The following CERS6 variants were observed in gnomAD, a reference collection of about 807,000 sequenced individuals.
CERS6 encodes the protein ceramide synthase 6.
CERS6 carries 26 observed loss-of-function variants against 56.8 expected under a neutral mutation model. That is an observed-to-expected ratio of 0.46 (90% confidence interval 0.34 to 0.63). CERS6 has a LOEUF of 0.63. CERS6 is among the 30% of genes least tolerant of loss of function. The pLI, the probability that CERS6 is intolerant of heterozygous loss-of-function variation, is 0.01. For missense variants in CERS6, 415 were observed against 467.5 expected (o/e 0.89, Z 1.04); for synonymous variants, 164 against 173.3 (o/e 0.95, Z 0.42).
At chr2:168,646,848 TG>T (rs1229316022) in intron 4 of CERS6, among the ~76,000 whole-genome samples, 1 of 152,150 alleles carries the variant, frequency 6.6e-6, no homozygotes, top group Non-Finnish European at 1.5e-5. Flanking sequence ...CGTAGGTGTG[TG>T]GCCTTATTTC....
intron 1 of CERS6, among the ~76,000 whole-genome samples, chr2:168,485,776 G>A (rs1000214179): frequency 6.6e-6 from 1 of 152,098 alleles, no homozygotes; most frequent in African/African-American, 2.4e-5. Flanking sequence ...TCCAAGTTTT[G>A]GCAATTATGA....
intron 8 of CERS6, among the ~76,000 whole-genome samples, chr2:168,754,081 G>A (rs1270511469): frequency 1.3e-5 from 2 of 152,152 alleles, no homozygotes; most frequent in Non-Finnish European, 2.9e-5. Flanking sequence ...AGTCAGGGCG[G>A]TGAGAAGCCA....
intron 1 of CERS6, among the ~76,000 whole-genome samples, chr2:168,500,626 AGAGCAAAG>A (rs1694562737): frequency 6.6e-6 from 1 of 152,210 alleles, no homozygotes; most frequent in South Asian, 2.1e-4. Context: ...TAATGCCATA[AGAGCAAAG>A]GAAGAAAGGG....
intron 3 of CERS6, among the ~76,000 whole-genome samples, chr2:168,591,583 A>G (rs2077764): frequency 1.3e-5 from 2 of 152,218 alleles, no homozygotes; most frequent in African/African-American, 4.8e-5. Context: ...AAAACCTTCA[A>G]TGAAGAAAAT....
At chr2:168,487,698 A>G (rs1350479030) in intron 1 of CERS6, among the ~76,000 whole-genome samples, 1 of 152,104 alleles carries the variant, frequency 6.6e-6, no homozygotes, top group East Asian at 1.9e-4. Flanking sequence ...TCTAAACCAC[A>G]TAAGCTATTA....
intron 3 of CERS6, among the ~76,000 whole-genome samples, chr2:168,619,101 A>G (rs1020184894): frequency 2.0e-5 from 3 of 152,230 alleles, no homozygotes; most frequent in African/African-American, 7.2e-5. Flanking sequence ...AAACAAAAAC[A>G]TAAAGTGGGG....
At position 168,733,487 on chromosome 2, in the gene CERS6, C is replaced by T. The variant is rs372274103; in HGVS notation, c.845+15509C>T. On this transcript the variant is annotated intron_variant, in intron 8 of 9. Coordinates refer to ENST00000305747, the MANE Select transcript of CERS6 (RefSeq NM_203463.3). ...CCCAGTATGCAATGACAACTTGCTG[C>T]TCCTTATTGCTTCTACATCTGAAAA... 1.8e-4 allele frequency among the ~76,000 whole-genome samples: 28 copies of T among 152,292 alleles called. No individual in the cohort carries two copies. The South Asian group carries it at 5.8e-3, about 32-fold the overall frequency.
intron 8 of CERS6, among the ~76,000 whole-genome samples, chr2:168,720,529 A>C (rs1426326506): frequency 6.6e-6 from 1 of 152,140 alleles, no homozygotes; most frequent in Non-Finnish European, 1.5e-5. Context: ...TCAGGATAGT[A>C]TACTGGTTAG....
At chr2:168,579,875 G>A (rs944055414) in intron 3 of CERS6, among the ~76,000 whole-genome samples, 8 of 152,052 alleles carry the variant, frequency 5.3e-5, no homozygotes, top group African/African-American at 1.2e-4. Flanking sequence ...TGGCCTTTGC[G>A]CTTGCTTTCC....
intron 9 of CERS6, chr2:168,766,233 A>C (rs2105466943): frequency 8.0e-7 from 1 of 1,257,386 alleles, no homozygotes; most frequent in Non-Finnish European, 1.1e-6. Context: ...CCTCAGCCCC[A>C]ACCCTGTGTG....
chr2:168,598,502 T>C (rs1009819415), intron 3 of CERS6, among the ~76,000 whole-genome samples: 3 of 151,744 alleles, frequency 2.0e-5, no homozygotes, highest in Admixed American at 2.0e-4. Flanking sequence ...GGCAAAAAAA[T>C]AGTGGTTTAC....
rs541375750 is a variant in CERS6 at position 168,540,473 on chromosome 2, G to A, written c.171-7123G>A. On this transcript the variant is annotated intron_variant, in intron 1 of 9. Coordinates refer to ENST00000305747, the MANE Select transcript of CERS6 (RefSeq NM_203463.3). Reference sequence around the variant, plus strand: ...ACACAAGTACCATTCTGTTTTAATTGCCTATTCACTACAATAATGGTAATG... The same window carrying A: ...ACACAAGTACCATTCTGTTTTAATTACCTATTCACTACAATAATGGTAATG... Among the ~76,000 whole-genome samples, 3 of 152,212 alleles carry A rather than the reference G, an allele frequency of 2.0e-5. No homozygotes were observed. The East Asian group carries it at 5.8e-4, about 29-fold the overall frequency.
intron 8 of CERS6, among the ~76,000 whole-genome samples, chr2:168,751,518 G>A (rs561729892): frequency 6.6e-6 from 1 of 152,206 alleles, no homozygotes; most frequent in African/African-American, 2.4e-5. Context: ...AATAATCACT[G>A]AGCAGTATTT....
intron 1 of CERS6, among the ~76,000 whole-genome samples, chr2:168,494,306 G>C (rs997547895): frequency 6.6e-6 from 1 of 152,124 alleles, no homozygotes; most frequent in African/African-American, 2.4e-5. Context: ...GAGTGCAGTG[G>C]TTAAGAGCCC....
At chr2:168,712,599 T>C (rs570178921) in intron 6 of CERS6, among the ~76,000 whole-genome samples, 1 of 152,338 alleles carries the variant, frequency 6.6e-6, no homozygotes, top group Non-Finnish European at 1.5e-5. Context: ...GTAGCGTGAT[T>C]ACTTTTTATT....
chr2:168,544,165 A>G (rs1695420858), intron 1 of CERS6, among the ~76,000 whole-genome samples: 1 of 152,202 alleles, frequency 6.6e-6, no homozygotes, highest in Admixed American at 6.5e-5. Flanking sequence ...CAACATTTAA[A>G]TTGAGTTAAA....
intron 3 of CERS6, among the ~76,000 whole-genome samples, chr2:168,584,345 C>T (rs921108405): frequency 1.3e-5 from 2 of 152,070 alleles, no homozygotes; most frequent in Non-Finnish European, 2.9e-5. Context: ...ATTAACAAAC[C>T]TTTTGCTGTT....
rs1695245765 is a variant in CERS6, at chr2:168,535,530, G to A, written c.171-12066G>A. Among the ~76,000 whole-genome samples the A allele has an allele frequency of 2.0e-5, 3 of 152,106 alleles. No homozygotes were observed. In the South Asian group the frequency reaches 6.2e-4, roughly 32 times the overall value. ...GTGGATCATGCCAGCCTCCTAGTGA[G>A]TTCTGATGAGAGAACGTGGATACCT... is the stretch of plus-strand genomic sequence containing the variant. On this transcript the variant is annotated intron_variant, in intron 1 of 9. Coordinates refer to ENST00000305747, the MANE Select transcript of CERS6 (RefSeq NM_203463.3).
At chr2:168,719,597 A>AT (rs1687309596) in intron 8 of CERS6, among the ~76,000 whole-genome samples, 1 of 152,220 alleles carries the variant, frequency 6.6e-6, no homozygotes, top group Admixed American at 6.5e-5. Context: ...AATACCTTCC[A>AT]GGTTCCTCTT....
Sources: gnomAD v4.1 joint callset for allele counts (sites outside exome capture counted in the v4.1 genomes callset) on GRCh38, gnomAD v4.1.1 for gene constraint, MANE v1.5 for transcripts, NCBI Gene and HGNC (gene_info 2026-07-23, HGNC 2026-07-21) for gene names.